KIF13B: variants seen among roughly 807,000 people sequenced by gnomAD.
KIF13B encodes the protein kinesin-like protein KIF13B.
Under a neutral mutation model 222.0 loss-of-function variants are expected in KIF13B, and 127 were observed. The observed-to-expected ratio is 0.57, with a 90% CI of 0.50 to 0.66. KIF13B has a LOEUF of 0.66. Among genes scored for constraint, KIF13B ranks in the 30% least tolerant of loss-of-function variants. KIF13B has a pLI of 0.00. For synonymous variants in KIF13B, 976 were observed against 919.0 expected (o/e 1.06, Z -1.12); for missense variants, 2,173 against 2,379.0 (o/e 0.91, Z 1.80).
chr8:29,119,043 C>G, intron 29 of KIF13B, 51 bp from the exon 30 acceptor site: 1 of 1,555,852 alleles, frequency 6.4e-7, no homozygotes, highest in Non-Finnish European at 8.7e-7. Flanking sequence ...CAAGGATAAC[C>G]CCTACCAGCT....
chr8:29,202,489 T>A (rs1350497636), intron 2 of KIF13B, among the ~76,000 whole-genome samples: 1 of 152,186 alleles, frequency 6.6e-6, no homozygotes, highest in Non-Finnish European at 1.5e-5. Flanking sequence ...AGCTAATTTT[T>A]GTACTTTTAG....
intron 2 of KIF13B, among the ~76,000 whole-genome samples, chr8:29,242,019 T>G (rs1815804462): frequency 6.6e-6 from 1 of 152,166 alleles, no homozygotes; most frequent in African/African-American, 2.4e-5. Flanking sequence ...ACACAAATGA[T>G]TCATACAGTG....
chr8:29,243,213 G>A (rs1390102416), intron 2 of KIF13B, among the ~76,000 whole-genome samples: 1 of 151,658 alleles, frequency 6.6e-6, no homozygotes, highest in East Asian at 1.9e-4. Flanking sequence ...TGGGAGTGAT[G>A]GTGGATGCCT....
intron 21 of KIF13B, among the ~76,000 whole-genome samples, chr8:29,136,508 A>C (rs1188077996): frequency 6.6e-6 from 1 of 152,100 alleles, no homozygotes; most frequent in Non-Finnish European, 1.5e-5. Context: ...TGAATCCGGG[A>C]GGAGGTGGAG....
intron 36 of KIF13B, among the ~76,000 whole-genome samples, 197 bp downstream of exon 36, chr8:29,098,936 C>T (rs750724906): frequency 9.9e-5 from 15 of 152,106 alleles, no homozygotes; most frequent in Non-Finnish European, 1.8e-4. Flanking sequence ...CATGATCAGG[C>T]GGTATATATC....
At chr8:29,189,687 C>T (rs1813090205) in intron 4 of KIF13B, 1 of 152,278 alleles carries the variant, frequency 6.6e-6, no homozygotes, top group African/African-American at 2.4e-5. Flanking sequence ...CAGGGCTGGG[C>T]CTGCAGCCTA....
At chr8:29,190,771 A>G (rs925558490) in intron 4 of KIF13B, 12 of 528,846 alleles carry the variant, frequency 2.3e-5, no homozygotes, top group Admixed American at 5.9e-5. Flanking sequence ...GAGCATCGGA[A>G]CTGAGTTAGA....
chr8:29,186,606 T>C (rs1812940391), intron 5 of KIF13B, 134 bp from the exon 6 acceptor site: 2 of 648,318 alleles, frequency 3.1e-6, no homozygotes, highest in African/African-American at 3.7e-5. Flanking sequence ...ATAATGAGAA[T>C]AATAAGTACA....
At chr8:29,107,622 C>A (rs1261395517) in intron 35 of KIF13B, among the ~76,000 whole-genome samples, 1 of 147,710 alleles carries the variant, frequency 6.8e-6, no homozygotes, top group Admixed American at 6.8e-5. Flanking sequence ...TGCAGTGGTG[C>A]GATTTTGGCT....
chr8:29,127,336 C>T (rs1258566758), intron 24 of KIF13B, 68 bp from the exon 25 acceptor site: 26 of 1,358,972 alleles, frequency 1.9e-5, no homozygotes, highest in Non-Finnish European at 2.5e-5. Context: ...TTTAGAGAGA[C>T]CCCTACAGGC....
intron 1 of KIF13B, among the ~76,000 whole-genome samples, chr8:29,262,669 C>A (rs945492962): frequency 6.7e-6 from 1 of 148,186 alleles, no homozygotes; most frequent in Non-Finnish European, 1.5e-5. Context: ...AGGGCGCCCT[C>A]GGGAACCTCC....
At chr8:29,218,209 T>C (rs1221756960) in intron 2 of KIF13B, among the ~76,000 whole-genome samples, 1 of 152,186 alleles carries the variant, frequency 6.6e-6, no homozygotes, top group African/African-American at 2.4e-5. Flanking sequence ...GCTCCTGCAA[T>C]GGAAATCCTC....
At chr8:29,160,109 T>C (rs545723924) in intron 13 of KIF13B, among the ~76,000 whole-genome samples, 14 of 152,334 alleles carry the variant, frequency 9.2e-5, no homozygotes, top group Admixed American at 5.9e-4. Context: ...TGTCTCAGGG[T>C]TCAGACTTAT....
intron 6 of KIF13B, among the ~76,000 whole-genome samples, chr8:29,183,039 AATG>A (rs1485158677): frequency 4.6e-5 from 7 of 152,152 alleles, no homozygotes; most frequent in East Asian, 3.8e-4. Context: ...AAAGAATGTC[AATG>A]ATAAGGTTAC....
Position 29,148,584 on chromosome 8 carries a change from G to A in KIF13B, c.1806C>T (p.Gly602=). The A allele has an allele frequency of 3.1e-6, 5 of 1,601,956 alleles. No individual in the cohort carries two copies. Among genetic ancestry groups the A allele is most frequent in the Non-Finnish European group, 4.3e-6 (5 of 1,173,460 alleles). ...AQMEVTMKAL[G]SNDPMQSILN... ...CACGCCCGACTTGCTCACCATTGCT[G>A]CCCAGGGCCTTCATGGTGACCTCCA... The change falls in exon 16 of 40, where the codon GGC becomes GGT. Residue 602 remains glycine, a synonymous_variant. Transcript: ENST00000524189.
chr8:29,132,249 A>G (rs1052588906), intron 23 of KIF13B, 59 bp downstream of exon 23: 4 of 1,323,728 alleles, frequency 3.0e-6, no homozygotes, highest in South Asian at 2.3e-5. Context: ...GACTGTCTCA[A>G]AAAACAAAAA....
intron 26 of KIF13B, among the ~76,000 whole-genome samples, chr8:29,124,893 A>C (rs1331972063): frequency 6.6e-6 from 1 of 151,552 alleles, no homozygotes; most frequent in African/African-American, 2.4e-5. Flanking sequence ...CAAAAAAAAA[A>C]AAAAAAATTA....
intron 1 of KIF13B, among the ~76,000 whole-genome samples, chr8:29,254,586 T>C (rs1194741010): frequency 6.6e-6 from 1 of 152,030 alleles, no homozygotes; most frequent in Non-Finnish European, 1.5e-5. Flanking sequence ...GAAAGGCAAA[T>C]CTAAACCACA....
intron 2 of KIF13B, among the ~76,000 whole-genome samples, chr8:29,214,820 T>C (rs1028697264): frequency 5.9e-5 from 9 of 152,198 alleles, no homozygotes; most frequent in African/African-American, 2.2e-4. Context: ...ACTTTACCAA[T>C]GGCTGTGATG....
Sources: allele counts gnomAD v4.1 joint callset (sites outside exome capture counted in the v4.1 genomes callset), GRCh38; gene constraint gnomAD v4.1.1; transcripts MANE v1.5; gene names NCBI Gene and HGNC (gene_info 2026-07-23, HGNC 2026-07-21).